The following DRC7 variants were observed in gnomAD, a reference collection of about 807,000 sequenced individuals.
DRC7 encodes the protein dynein regulatory complex subunit 7.
Under a neutral mutation model 104.4 loss-of-function variants are expected in DRC7, and 80 were observed. The observed-to-expected ratio is 0.77, with a 90% confidence interval of 0.64 to 0.92. The LOEUF is 0.92. Among genes scored for constraint, DRC7 ranks in the 40% least tolerant of loss-of-function variants. DRC7 has a pLI of 0.00. For missense variants in DRC7, 1,034 were observed against 1,141.1 expected, an observed-to-expected ratio of 0.91 and a Z score of 1.35; for synonymous variants, 405 against 447.3, an observed-to-expected ratio of 0.91 and a Z score of 1.19.
At position 57,723,139 on chromosome 16, in the gene DRC7, C is replaced by T; in HGVS notation, c.1537+9C>T. 1 of 1,612,222 alleles carries T rather than the reference C, an allele frequency of 6.2e-7. No individual in the cohort carries two copies. The highest frequency in any genetic ancestry group is 1.7e-5 in the Admixed American group (1 of 59,886). On this transcript the variant is annotated intron_variant, in intron 12 of 18. Coordinates refer to ENST00000360716, the MANE Select transcript of DRC7 (RefSeq NM_001289162.2). ...CCCCCAGGCTCTGCGCGGTGCGTGG[C>T]TCCCCTTTCCTGGGCCACCCAGGAG...
chr16:57,730,047 C>T (rs140812822), intron 17 of DRC7, among the ~76,000 whole-genome samples: 1,788 of 89,932 alleles, frequency 0.02, 40 homozygotes, highest in African/African-American at 0.071. Context: ...GACGGATGGA[C>T]GGATGGATGG....
At position 57,731,012 on chromosome 16, in the gene DRC7, C is replaced by A. The variant is rs765362926; in HGVS notation, c.2473C>A (p.Leu825Met). 1.2e-6 allele frequency: 2 copies of A among 1,613,568 alleles called. No homozygotes were observed. Among genetic ancestry groups the A allele is most frequent in the South Asian group, 2.2e-5 (2 of 91,088 alleles). Residue 825 changes from leucine to methionine, a missense_variant, in exon 18 of 19, where the codon CTG (leucine) becomes ATG (methionine). By Grantham distance (15) the Leu-to-Met change is conservative. Coordinates refer to ENST00000360716, the MANE Select transcript of DRC7 (RefSeq NM_001289162.2). ...TLTPEDEDLYLSYCSQAMFRI... is the reference protein window; with the variant it reads ...TLTPEDEDLYMSYCSQAMFRI... Reference sequence around the variant, plus strand: ...GACACCCGAGGATGAAGACCTGTACCTGAGTTACTGCTCTCAGGCCATGTT... The same window carrying A: ...GACACCCGAGGATGAAGACCTGTACATGAGTTACTGCTCTCAGGCCATGTT...
At chr16:57,696,623 T>C (rs1197866258) in intron 2 of DRC7, 29 bp downstream of exon 2, 1 of 152,282 alleles carries the variant, frequency 6.6e-6, no homozygotes, top group Non-Finnish European at 1.5e-5. Flanking sequence ...CCGCTCAGTG[T>C]GGCTCTGCTC....
chr16:57,726,658 CCT>C lies in DRC7; in HGVS notation c.1975-171_1975-170del, dbSNP rs2048970200. ...CCCCAGCTTTTCTGAGTCTTCAGTTCCTCTTTTATTATTATCTGTATTTTTAT... is the reference window on the plus strand; with the variant it reads ...CCCCAGCTTTTCTGAGTCTTCAGTTCCTTTTATTATTATCTGTATTTTTAT... On this transcript the variant is annotated intron_variant, in intron 14 of 18. Transcript: ENST00000360716. The C allele has an allele frequency of 1.1e-5, 6 of 565,274 alleles. No homozygotes were observed. The East Asian group carries it at 1.8e-4, about 16-fold the overall frequency. 35.0% of individuals were successfully genotyped at this position (565,274 alleles called of 1,614,324 possible).
At chr16:57,731,135 C>T (rs1210957807) in intron 18 of DRC7, 30 bp from the exon 19 acceptor site, 3 of 1,613,540 alleles carry the variant, frequency 1.9e-6, no homozygotes, top group South Asian at 2.2e-5. Flanking sequence ...TGTAACCCCT[C>T]ACCCTCTTTC....
intron 8 of DRC7, among the ~76,000 whole-genome samples, chr16:57,717,157 CA>C (rs1225558457): frequency 1.4e-3 from 150 of 110,094 alleles, no homozygotes; most frequent in African/African-American, 2.0e-3. Context: ...GACCCTGTCT[CA>C]AAAAAAAAAA....
chr16:57,731,629 ACAACT>A lies in DRC7; in HGVS notation c.*372_*376del. On this transcript the variant is annotated 3_prime_UTR_variant, in exon 19 of 19. Coordinates refer to ENST00000360716, the MANE Select transcript of DRC7 (RefSeq NM_001289162.2). ...CAGATGGTCCCACAGCCATCTGCAAACAACTGGTTATATCTCAATGTGACTAGGGT... is the reference window on the plus strand; with the variant it reads ...CAGATGGTCCCACAGCCATCTGCAAAGGTTATATCTCAATGTGACTAGGGT... The A allele has an allele frequency of 3.8e-6, 1 of 264,986 alleles. No individual in the cohort carries two copies. The highest frequency in any genetic ancestry group is 2.2e-5 in the African/African-American group (1 of 44,534). The allele number at this position is 264,986 out of a possible 1,614,324, so 16.4% of individuals were successfully genotyped here.
chr16:57,706,297 C>T (rs1414888171), intron 7 of DRC7, among the ~76,000 whole-genome samples: 92 of 142,704 alleles, frequency 6.4e-4, no homozygotes, highest in Admixed American at 2.8e-4. Context: ...CCCATCCATC[C>T]TCCCACCATC....
At chr16:57,721,148 G>A (rs2048897645) in intron 9 of DRC7, among the ~76,000 whole-genome samples, 2 of 152,196 alleles carry the variant, frequency 1.3e-5, no homozygotes, top group South Asian at 4.1e-4. Flanking sequence ...CCTGGGAGAC[G>A]GAGGTTTCAG....
In DRC7 at chr16:57,704,808, C is replaced by G. The variant is rs934013673; in HGVS notation, c.700-68C>G. The G allele has an allele frequency of 1.1e-5, 17 of 1,571,848 alleles. No homozygotes were observed. The African/African-American group carries it at 1.4e-4, about 12-fold the overall frequency. On this transcript the variant is annotated intron_variant, in intron 6 of 18. Transcript: ENST00000360716. ...GAGGGACTGGCTGGGCGGGTCTCACCTCTTGGAGTTGCACATGTAAAGGGG... is the reference window on the plus strand; with the variant it reads ...GAGGGACTGGCTGGGCGGGTCTCACGTCTTGGAGTTGCACATGTAAAGGGG...
chr16:57,716,677 A>C (rs2048847376), intron 8 of DRC7, among the ~76,000 whole-genome samples: 1 of 152,040 alleles, frequency 6.6e-6, no homozygotes, highest in Admixed American at 6.6e-5. Context: ...AGGGCAGAGA[A>C]ATACTCAGGA....
At chr16:57,708,815 C>T (rs1190031651) in intron 8 of DRC7, among the ~76,000 whole-genome samples, 4 of 152,158 alleles carry the variant, frequency 2.6e-5, no homozygotes, top group Admixed American at 6.5e-5. Context: ...AATGGTATTG[C>T]ACTGTGGTTT....
In DRC7 at chr16:57,730,826, GCCAA is replaced by G. The variant is rs1218980939; in HGVS notation, c.2392-102_2392-99del. 5.5e-6 allele frequency: 7 copies of G among 1,283,270 alleles called. No homozygotes were observed. In the Admixed American group the frequency reaches 8.1e-5, roughly 15 times the overall value. The allele number at this position is 1,283,270 out of a possible 1,614,324, so 79.5% of individuals were successfully genotyped here. A position where few individuals can be genotyped will look rare whatever the true frequency, so the allele number is the denominator to read the frequency against. ...GGCTTGTGTGAGTGGGGACACTGGG[GCCAA>G]CCGTCATGGTGCTGTCTAGTGACCC... On this transcript the variant is annotated intron_variant, in intron 17 of 18. Transcript: ENST00000360716.
intron 13 of DRC7, 42 bp from the exon 14 acceptor site, chr16:57,726,026 C>CGCTCATCCTTTGCTCATCCTTT: frequency 6.5e-7 from 1 of 1,545,838 alleles, no homozygotes; most frequent in African/African-American, 1.4e-5. Flanking sequence ...TCCTCTCACA[C>CGCTCATCCTTTGCTCATCCTTT]GCTCATCCTT....
intron 8 of DRC7, among the ~76,000 whole-genome samples, chr16:57,717,686 G>T (rs1206126861): frequency 2.0e-5 from 3 of 151,404 alleles, no homozygotes; most frequent in African/African-American, 7.3e-5. Context: ...GCGACAGAGT[G>T]AGACTCTGTC....
chr16:57,697,634 C>T (rs1409053110), intron 2 of DRC7, among the ~76,000 whole-genome samples: 6 of 152,144 alleles, frequency 3.9e-5, no homozygotes, highest in African/African-American at 1.4e-4. Flanking sequence ...CGACACGTGC[C>T]TTTCCCTGTC....
chr16:57,715,343 C>T (rs1286236598), intron 8 of DRC7, among the ~76,000 whole-genome samples: 1 of 152,204 alleles, frequency 6.6e-6, no homozygotes, highest in Non-Finnish European at 1.5e-5. Flanking sequence ...AGCCACTGTA[C>T]CTGATGACCT....
intron 9 of DRC7, among the ~76,000 whole-genome samples, chr16:57,718,817 G>A (rs1218556394): frequency 6.6e-6 from 1 of 151,930 alleles, no homozygotes; most frequent in East Asian, 1.9e-4. Flanking sequence ...GTGGGACCCT[G>A]TCTCTACAAG....
intron 8 of DRC7, among the ~76,000 whole-genome samples, chr16:57,710,199 A>T (rs950686874): frequency 1.3e-5 from 2 of 152,222 alleles, no homozygotes; most frequent in African/African-American, 4.8e-5. Context: ...TAAAATTTCT[A>T]TCAGCAACAT....
Sources: gnomAD v4.1 joint callset for allele counts (sites outside exome capture counted in the v4.1 genomes callset) on GRCh38, gnomAD v4.1.1 for gene constraint, MANE v1.5 for transcripts, NCBI Gene and HGNC (gene_info 2026-07-23, HGNC 2026-07-21) for gene names.